Variants in SYNDIG1 observed in about 807,000 individuals in gnomAD.
The protein encoded by SYNDIG1 is synapse differentiation-inducing gene protein 1.
A neutral mutation model predicts 19.4 loss-of-function variants in SYNDIG1; 9 were observed. That is an observed-to-expected ratio of 0.46 (90% CI 0.28 to 0.81). SYNDIG1 has a LOEUF of 0.81. SYNDIG1 is among the 30% of genes least tolerant of loss of function. The pLI, the probability that SYNDIG1 is intolerant of heterozygous loss-of-function variation, is 0.12. For synonymous variants in SYNDIG1, 141 were observed against 145.9 expected, an observed-to-expected ratio of 0.97 and a Z score of 0.24; for missense variants, 311 against 343.3, an observed-to-expected ratio of 0.91 and a Z score of 0.74.
At chr20:24,548,866 T>C (rs922194956) in intron 2 of SYNDIG1, among the ~76,000 whole-genome samples, 3 of 152,194 alleles carry the variant, frequency 2.0e-5, no homozygotes, top group African/African-American at 7.2e-5. Context: ...TAATCAGGTA[T>C]AGGAAGTTCC....
intron 3 of SYNDIG1, among the ~76,000 whole-genome samples, chr20:24,625,384 A>ATTTTTTTTTTTTTTT (rs35759862): frequency 8.7e-6 from 1 of 115,278 alleles, no homozygotes. Flanking sequence ...TGCCTGGGAC[A>ATTTTTTTTTTTTTTT]TTTTTTTTTT....
chr20:24,579,572 A>G (rs1445644846), intron 2 of SYNDIG1, among the ~76,000 whole-genome samples: 1 of 152,218 alleles, frequency 6.6e-6, no homozygotes, highest in African/African-American at 2.4e-5. Flanking sequence ...AACGTTCTGC[A>G]TCTGTGCTGT....
chr20:24,606,146 T>C (rs1222468999), intron 3 of SYNDIG1, among the ~76,000 whole-genome samples: 1 of 152,234 alleles, frequency 6.6e-6, no homozygotes, highest in Non-Finnish European at 1.5e-5. Context: ...GATCCAACAA[T>C]GTGCTGGTTG....
chr20:24,665,865 ATTT>A lies in SYNDIG1; in HGVS notation c.*365_*367del. On this transcript the variant is annotated 3_prime_UTR_variant, in exon 4 of 4. Transcript: ENST00000376862. ...ATACAAACAGTCCAAAAAAGTGTTT[ATTT>A]TTTATGGAATACGGTGCAATAGGCA... The A allele has an allele frequency of 4.2e-6, 1 of 238,960 alleles. No individual in the cohort carries two copies. Among genetic ancestry groups the A allele is most frequent in the South Asian group, 7.2e-5 (1 of 13,844 alleles). 14.8% of individuals were successfully genotyped at this position (238,960 alleles called of 1,614,324 possible). A position where few individuals can be genotyped will look rare whatever the true frequency, so the allele number is the denominator to read the frequency against.
At chr20:24,606,766 C>T (rs2147151934) in intron 3 of SYNDIG1, among the ~76,000 whole-genome samples, 1 of 152,230 alleles carries the variant, frequency 6.6e-6, no homozygotes, top group Admixed American at 6.5e-5. Flanking sequence ...TCAGTGGGGG[C>T]CAGGCTGCCA....
intron 2 of SYNDIG1, among the ~76,000 whole-genome samples, chr20:24,582,963 G>T (rs920087715): frequency 6.6e-6 from 1 of 152,196 alleles, no homozygotes; most frequent in Non-Finnish European, 1.5e-5. Context: ...TGCCCTGCAG[G>T]CTTGTTGGGG....
At chr20:24,638,187 G>A (rs2059335177) in intron 3 of SYNDIG1, among the ~76,000 whole-genome samples, 1 of 152,154 alleles carries the variant, frequency 6.6e-6, no homozygotes. Flanking sequence ...TACCAAAGCT[G>A]GTCACCCCAG....
chr20:24,525,354 C>T (rs6114756), intron 1 of SYNDIG1, among the ~76,000 whole-genome samples: 1,840 of 143,228 alleles, frequency 0.013, 37 homozygotes, highest in African/African-American at 0.046. Flanking sequence ...TACAGTGGCA[C>T]GATCTTGGCT....
intron 2 of SYNDIG1, among the ~76,000 whole-genome samples, chr20:24,549,032 T>C (rs531916754): frequency 7.5e-4 from 115 of 152,318 alleles, no homozygotes; most frequent in African/African-American, 2.6e-3. Context: ...AATTAGCATA[T>C]TCATTATCTC....
At chr20:24,606,447 A>G (rs2058758379) in intron 3 of SYNDIG1, among the ~76,000 whole-genome samples, 1 of 152,226 alleles carries the variant, frequency 6.6e-6, no homozygotes, top group Admixed American at 6.5e-5. Flanking sequence ...TTTGTCCCCA[A>G]ATCTTAGGTT....
At chr20:24,640,468 GGGAAAGAAGGAAGGAA>G (rs1221236485) in intron 3 of SYNDIG1, among the ~76,000 whole-genome samples, 41 of 105,310 alleles carry the variant, frequency 3.9e-4, no homozygotes, top group African/African-American at 1.7e-3. Flanking sequence ...AAGGGAGGGA[GGGAAAGAAGGAAGGAA>G]GGAAGGAAGG....
At chr20:24,659,940 TG>T (rs1174646538) in intron 3 of SYNDIG1, among the ~76,000 whole-genome samples, 1 of 152,238 alleles carries the variant, frequency 6.6e-6, no homozygotes, top group East Asian at 1.9e-4. Context: ...TTTTCAACTA[TG>T]CTTTCTTCCA....
intron 3 of SYNDIG1, among the ~76,000 whole-genome samples, chr20:24,656,588 C>G (rs1488426730): frequency 6.6e-6 from 1 of 152,188 alleles, no homozygotes; most frequent in Non-Finnish European, 1.5e-5. Flanking sequence ...TCAGAGGGCA[C>G]CAGGATGCAG....
intron 1 of SYNDIG1, among the ~76,000 whole-genome samples, chr20:24,490,621 C>T (rs919818410): frequency 6.6e-6 from 1 of 152,122 alleles, no homozygotes; most frequent in Admixed American, 6.5e-5. Context: ...ATGGTGTCGT[C>T]GGGGCAATTA....
intron 3 of SYNDIG1, among the ~76,000 whole-genome samples, chr20:24,597,676 G>A (rs573084676): frequency 1.4e-4 from 22 of 152,224 alleles, no homozygotes; most frequent in Middle Eastern, 3.4e-3. Context: ...TTAGAATTCC[G>A]AGGCCTTATT....
intron 3 of SYNDIG1, among the ~76,000 whole-genome samples, chr20:24,641,747 G>T (rs572870722): frequency 6.6e-6 from 1 of 152,110 alleles, no homozygotes; most frequent in African/African-American, 2.4e-5. Flanking sequence ...GATGGAGCAC[G>T]GAGTGTGCAG....
chr20:24,585,242 G>A (rs1436735851), intron 3 of SYNDIG1, among the ~76,000 whole-genome samples: 2 of 152,210 alleles, frequency 1.3e-5, no homozygotes, highest in Non-Finnish European at 2.9e-5. Context: ...GTTCCGAAGA[G>A]GCTTTGGAAC....
At chr20:24,499,025 T>G (rs964737275) in intron 1 of SYNDIG1, among the ~76,000 whole-genome samples, 1 of 152,138 alleles carries the variant, frequency 6.6e-6, no homozygotes, top group Non-Finnish European at 1.5e-5. Flanking sequence ...GTTTTGTTTG[T>G]TTGTTTGTTT....
At chr20:24,659,925 GT>G (rs1029304809) in intron 3 of SYNDIG1, among the ~76,000 whole-genome samples, 16 of 152,002 alleles carry the variant, frequency 1.1e-4, no homozygotes, top group African/African-American at 1.9e-4. Context: ...AAGTAAGGTA[GT>G]TTTTTTTCAA....
Sources: allele counts gnomAD v4.1 joint callset (sites outside exome capture counted in the v4.1 genomes callset), GRCh38; gene constraint gnomAD v4.1.1; transcripts MANE v1.5; gene names NCBI Gene and HGNC (gene_info 2026-07-23, HGNC 2026-07-21).